Variants in EP400 observed in about 807,000 individuals in gnomAD.
The protein encoded by EP400 is E1A-binding protein p400.
EP400 carries 105 observed loss-of-function variants against 354.1 expected under a neutral mutation model. The ratio of observed to expected loss-of-function variants is 0.30; its 90% CI spans 0.25 to 0.35. The LOEUF is 0.35. EP400 is among the 10% of genes least tolerant of loss of function. The pLI is 1.00. For missense variants in EP400, 3,280 were observed against 4,121.0 expected (o/e 0.80, Z 5.59); for synonymous variants, 1,646 against 1,716.9 (o/e 0.96, Z 1.02).
rs755992417 is a variant in EP400 at position 132,050,365 on chromosome 12, C to G, written c.7243C>G (p.Gln2415Glu). The change falls in exon 40 of 53, where the codon CAG becomes GAG. Residue 2415 changes from glutamine (Q) to glutamate (E), a missense_variant. Gln to Glu is a conservative substitution (Grantham distance 29). Coordinates refer to ENST00000389561, the MANE Select transcript of EP400 (RefSeq NM_015409.5). This position sits in a 1 kb window ranked among gnomAD's most constrained non-coding sequence, Gnocchi z 4.8. ...TCTCCGTACGAGCCAGATCTATGCC[C>G]AGGATGAGAATGCCACACACACCCA... ...RPLRTSQIYA[Q>E]DENATHTQLY... 2 of 1,614,104 alleles carry G rather than the reference C, an allele frequency of 1.2e-6. No individual in the cohort carries two copies. Among genetic ancestry groups the G allele is most frequent in the Non-Finnish European group, 1.7e-6 (2 of 1,180,020 alleles).
At chr12:131,963,113 TCC>T (rs1891952696) in intron 2 of EP400, among the ~76,000 whole-genome samples, 1 of 152,194 alleles carries the variant, frequency 6.6e-6, no homozygotes, top group South Asian at 2.1e-4. Flanking sequence ...GTAAGCTCAA[TCC>T]CCCTTACCTG....
At chr12:131,950,911 T>G (rs934096313) in intron 1 of EP400, among the ~76,000 whole-genome samples, 1 of 151,952 alleles carries the variant, frequency 6.6e-6, no homozygotes, top group African/African-American at 2.4e-5. Flanking sequence ...TTTTGTTATT[T>G]TCTTTTGAGA....
rs1298889395 is a variant in EP400, at chr12:132,054,634, G to A, written c.7729-340G>A. Among the ~76,000 whole-genome samples, 5 of 152,174 alleles carry A rather than the reference G, an allele frequency of 3.3e-5. No individual in the cohort carries two copies. The highest frequency in any genetic ancestry group is 9.7e-5 in the African/African-American group (4 of 41,432). On this transcript the variant is annotated intron_variant, in intron 43 of 52. Transcript: ENST00000389561. The surrounding 1 kb of genome is among the most constrained non-coding windows in gnomAD (Gnocchi z 4.0). The stretch of plus-strand genomic sequence containing the variant: ...GGCCCTGAGCTTGGCTGATATGGGG[G>A]CCAGAAAGCTCAGTGTGGCTGGACT...
Position 132,070,710 on chromosome 12 carries a change from T to C in EP400, c.9021+1069T>C, listed in dbSNP as rs1357024465. On this transcript the variant is annotated intron_variant, in intron 51 of 52. Transcript: ENST00000389561. The surrounding 1 kb of genome is among the most constrained non-coding windows in gnomAD (Gnocchi z 4.1). The stretch of plus-strand genomic sequence containing the variant: ...TTCAGATTCACCAATATGATGCATC[T>C]TTTGTTACTTAAGTCTTTTTTAATG... Among the ~76,000 whole-genome samples the C allele has an allele frequency of 6.6e-6, 1 of 152,250 alleles. No homozygotes were observed. Among genetic ancestry groups the C allele is most frequent in the Non-Finnish European group, 1.5e-5 (1 of 68,048 alleles).
intron 27 of EP400, among the ~76,000 whole-genome samples, chr12:132,028,761 G>T (rs1230973063): frequency 6.6e-6 from 1 of 152,232 alleles, no homozygotes; most frequent in Non-Finnish European, 1.5e-5. Flanking sequence ...CTTGCTTTCA[G>T]TAGAGTGCGT....
chr12:132,057,145 C>T (rs774771219), intron 45 of EP400, among the ~76,000 whole-genome samples: 10 of 152,244 alleles, frequency 6.6e-5, no homozygotes, highest in Non-Finnish European at 1.3e-4. Context: ...CATGCAGCTT[C>T]GCAGTTCTGC....
At chr12:131,986,913 A>C (rs185401885) in intron 6 of EP400, 106 bp downstream of exon 6, 2 of 1,350,470 alleles carry the variant, frequency 1.5e-6, no homozygotes, top group East Asian at 4.6e-5. Context: ...TGGTCAATTC[A>C]GCATGGCTTG....
intron 51 of EP400, among the ~76,000 whole-genome samples, chr12:132,069,886 CT>C (rs1896018971): frequency 6.6e-6 from 1 of 152,230 alleles, no homozygotes; most frequent in East Asian, 1.9e-4. Context: ...ATCTCCAGCT[CT>C]GTGGGGTACA....
chr12:131,987,669 A>G (rs775526822), intron 6 of EP400, 36 bp from the exon 7 acceptor site: 12 of 1,527,038 alleles, frequency 7.9e-6, no homozygotes, highest in African/African-American at 2.8e-5. Flanking sequence ...CACTCATCAC[A>G]TGCCGACCCC....
At position 132,027,263 on chromosome 12, in the gene EP400, A is replaced by G. The variant is rs1270259563; in HGVS notation, c.5015-174A>G. ...GTCTAAAGCATTTAAGTTTGAGCCC[A>G]TGCACATTCCAGGCATGTGCTGGTG... is the stretch of plus-strand genomic sequence containing the variant. On this transcript the variant is annotated intron_variant, in intron 25 of 52. Coordinates refer to ENST00000389561, the MANE Select transcript of EP400 (RefSeq NM_015409.5). The surrounding 1 kb of genome is among the most constrained non-coding windows in gnomAD (Gnocchi z 4.9). 3.3e-5 allele frequency among the ~76,000 whole-genome samples: 5 copies of G among 152,224 alleles called. No homozygotes were observed. The highest frequency in any genetic ancestry group is 1.2e-4 in the African/African-American group (5 of 41,464).
In EP400 at chr12:132,079,119, C is replaced by T. The variant is rs1896317165; in HGVS notation, c.*1446C>T. 6.6e-6 allele frequency: 1 copy of T among 152,224 alleles called. No individual in the cohort carries two copies. Among genetic ancestry groups the T allele is most frequent in the South Asian group, 2.1e-4 (1 of 4,834 alleles). The allele number at this position is 152,224 out of a possible 1,614,324, so 9.4% of individuals were successfully genotyped here. A position where few individuals can be genotyped will look rare whatever the true frequency, so the allele number is the denominator to read the frequency against. On this transcript the variant is annotated 3_prime_UTR_variant, in exon 53 of 53. Coordinates refer to ENST00000389561, the MANE Select transcript of EP400 (RefSeq NM_015409.5). ...TTAAATTGTATTTCATCTGCTTCCT[C>T]CCCATTCTCTCACTTTAAGTGACAT...
Position 132,013,733 on chromosome 12 carries a change from G to A in EP400, c.3787-44G>A. On this transcript the variant is annotated intron_variant, in intron 18 of 52. Coordinates refer to ENST00000389561, the MANE Select transcript of EP400 (RefSeq NM_015409.5). This position sits in a 1 kb window ranked among gnomAD's most constrained non-coding sequence, Gnocchi z 4.5. ...TATGCCTTGTTATAAACGTGTTACA[G>A]CAGCATTTTTGGAAAGAAAACAGTA... 1 of 1,610,820 alleles carries A rather than the reference G, an allele frequency of 6.2e-7. No individual in the cohort carries two copies. The highest frequency in any genetic ancestry group is 1.7e-5 in the Admixed American group (1 of 59,506).
intron 2 of EP400, among the ~76,000 whole-genome samples, chr12:131,978,284 C>G (rs1017827155): frequency 6.6e-6 from 1 of 152,114 alleles, no homozygotes; most frequent in African/African-American, 2.4e-5. Context: ...TATCCGTGTC[C>G]CCCACCAGAC....
chr12:132,079,944 G>A lies in EP400; in HGVS notation c.*2271G>A, dbSNP rs537632817. 6.6e-6 allele frequency: 1 copy of A among 152,324 alleles called. No homozygotes were observed. Among genetic ancestry groups the A allele is most frequent in the East Asian group, 1.9e-4 (1 of 5,190 alleles). 9.4% of individuals were successfully genotyped at this position (152,324 alleles called of 1,614,324 possible). On this transcript the variant is annotated 3_prime_UTR_variant, in exon 53 of 53. Transcript: ENST00000389561. ...TATTTTCTTGGCCTTCCCTTTTAAAGGTTAAAGTTTCTAACCTAAGAATTA... is the reference window on the plus strand; with the variant it reads ...TATTTTCTTGGCCTTCCCTTTTAAAAGTTAAAGTTTCTAACCTAAGAATTA...
Position 131,990,743 on chromosome 12 carries a change from C to CCCAA in EP400, c.2629+29_2629+30insCCAA. ...GGACCCTTTAAAAAAAGGCTCACCA[C>CCCAA]GCTTGGGTGGTATTTTGTTCGGATT... On this transcript the variant is annotated intron_variant, in intron 9 of 52. Coordinates refer to ENST00000389561, the MANE Select transcript of EP400 (RefSeq NM_015409.5). This position sits in a 1 kb window ranked among gnomAD's most constrained non-coding sequence, Gnocchi z 4.2. 6.6e-7 allele frequency: 1 copy of CCCAA among 1,519,436 alleles called. No homozygotes were observed. Among genetic ancestry groups the CCCAA allele is most frequent in the East Asian group, 2.3e-5 (1 of 44,418 alleles). 94.1% of individuals were successfully genotyped at this position (1,519,436 alleles called of 1,614,324 possible).
intron 12 of EP400, among the ~76,000 whole-genome samples, chr12:132,003,111 T>G (rs1371849826): frequency 6.8e-6 from 1 of 147,880 alleles, no homozygotes; most frequent in Non-Finnish European, 1.5e-5. Flanking sequence ...CTTGGGAGAC[T>G]GAGGCAGGAT....
chr12:131,991,966 T>TG (rs1331782800), intron 10 of EP400, among the ~76,000 whole-genome samples: 1 of 152,214 alleles, frequency 6.6e-6, no homozygotes, highest in Non-Finnish European at 1.5e-5. Flanking sequence ...CGTGGGGTGT[T>TG]AATTTGGCAG....
At chr12:132,057,566 C>T (rs1417621069) in intron 45 of EP400, among the ~76,000 whole-genome samples, 1 of 152,190 alleles carries the variant, frequency 6.6e-6, no homozygotes, top group Non-Finnish European at 1.5e-5. Context: ...CGTCAGAATT[C>T]GTAGAACCAT....
chr12:131,956,070 A>G (rs1286094328), intron 1 of EP400, among the ~76,000 whole-genome samples: 2 of 152,138 alleles, frequency 1.3e-5, no homozygotes, highest in African/African-American at 4.8e-5. Flanking sequence ...CTCCGCCTTC[A>G]GCCCCTGTCA....
Sources: allele counts gnomAD v4.1 joint callset (sites outside exome capture counted in the v4.1 genomes callset), GRCh38; gene constraint gnomAD v4.1.1; non-coding constraint Gnocchi (gnomAD v3.1); transcripts MANE v1.5; gene names NCBI Gene and HGNC (gene_info 2026-07-23, HGNC 2026-07-21).